Variants in TRPS1 observed in about 807,000 individuals in gnomAD.
TRPS1 encodes the protein transcriptional repressor GATA binding 1.
Under a neutral mutation model 101.2 loss-of-function variants are expected in TRPS1, and 6 were observed. The observed-to-expected ratio is 0.06, with a 90% confidence interval of 0.03 to 0.12. The LOEUF is 0.12. TRPS1 is among the 10% of genes least tolerant of loss of function. TRPS1 has a pLI of 1.00. For missense variants in TRPS1, 1,363 were observed against 1,567.0 expected (o/e 0.87, Z 2.20); for synonymous variants, 578 against 589.8 (o/e 0.98, Z 0.29).
intron 4 of TRPS1, among the ~76,000 whole-genome samples, chr8:115,591,250 A>C (rs933354649): frequency 6.6e-6 from 1 of 152,230 alleles, no homozygotes; most frequent in African/African-American, 2.4e-5. Flanking sequence ...GAATGTATTC[A>C]TTAAAGTTGT....
At chr8:115,628,167 T>G (rs1818552056) in intron 1 of TRPS1, among the ~76,000 whole-genome samples, 1 of 151,670 alleles carries the variant, frequency 6.6e-6, no homozygotes, top group Non-Finnish European at 1.5e-5. Flanking sequence ...AGGAAACAAC[T>G]CACAAAGCAC....
At chr8:115,457,024 A>G (rs1814044429) in intron 5 of TRPS1, among the ~76,000 whole-genome samples, 1 of 152,206 alleles carries the variant, frequency 6.6e-6, no homozygotes, top group Non-Finnish European at 1.5e-5. Flanking sequence ...CAAATTAGAC[A>G]ACATTTTTTG....
chr8:115,410,349 A>G lies in TRPS1; in HGVS notation c.*3674T>C, dbSNP rs886062608. 2 of 152,532 alleles carry G rather than the reference A, an allele frequency of 1.3e-5. No homozygotes were observed. 9.4% of individuals were successfully genotyped at this position (152,532 alleles called of 1,614,324 possible). A position where few individuals can be genotyped will look rare whatever the true frequency, so the allele number is the denominator to read the frequency against. ...AATGTGCTACCACAGGCTTCAACAAAGAGCTGTTAAAGATACTTTTTTCCC... is the reference window on the plus strand; with the variant it reads ...AATGTGCTACCACAGGCTTCAACAAGGAGCTGTTAAAGATACTTTTTTCCC... On this transcript the variant is annotated 3_prime_UTR_variant, in exon 7 of 7. Coordinates refer to ENST00000395715, the MANE Select transcript of TRPS1 (RefSeq NM_014112.5).
intron 4 of TRPS1, among the ~76,000 whole-genome samples, chr8:115,603,658 C>G (rs1426074051): frequency 6.6e-6 from 1 of 152,072 alleles, no homozygotes; most frequent in Non-Finnish European, 1.5e-5. Flanking sequence ...CATGAGCATA[C>G]AGTCCAAAAG....
chr8:115,413,858 G>T lies in TRPS1; in HGVS notation c.*165C>A. 1 of 664,656 alleles carries T rather than the reference G, an allele frequency of 1.5e-6. No homozygotes were observed. The allele number at this position is 664,656 out of a possible 1,614,324, so 41.2% of individuals were successfully genotyped here. ...CCATTTATCTCACTTTTTAATCTTGGTAACCTACTCATCAAAAGAAAGAAT... is the reference window on the plus strand; with the variant it reads ...CCATTTATCTCACTTTTTAATCTTGTTAACCTACTCATCAAAAGAAAGAAT... On this transcript the variant is annotated 3_prime_UTR_variant, in exon 7 of 7. Coordinates refer to ENST00000395715, the MANE Select transcript of TRPS1 (RefSeq NM_014112.5).
rs886228404 is a variant in TRPS1, at chr8:115,619,444, C to G, written c.654G>C (p.Leu218=). The change falls in exon 3 of 7, where the codon CTG becomes CTC. Residue 218 remains leucine (L), a synonymous_variant. Coordinates refer to ENST00000395715, the MANE Select transcript of TRPS1 (RefSeq NM_014112.5). ...VRLNKSKTDL[L]VNDNPDPAPL... ...GTGCCGGGTCTGGGTTGTCATTCACCAGTAAGTCAGTTTTGGATTTATTCA... is the reference window on the plus strand; with the variant it reads ...GTGCCGGGTCTGGGTTGTCATTCACGAGTAAGTCAGTTTTGGATTTATTCA... 6.2e-7 allele frequency: 1 copy of G among 1,614,094 alleles called. No individual in the cohort carries two copies. The highest frequency in any genetic ancestry group is 1.3e-5 in the African/African-American group (1 of 74,936).
intron 5 of TRPS1, among the ~76,000 whole-genome samples, chr8:115,492,598 T>A (rs1355196932): frequency 1.3e-5 from 2 of 152,110 alleles, no homozygotes; most frequent in Non-Finnish European, 2.9e-5. Context: ...GAGGGACAGA[T>A]AATTAAATGA....
At chr8:115,600,507 T>C (rs1009230740) in intron 4 of TRPS1, among the ~76,000 whole-genome samples, 1 of 152,128 alleles carries the variant, frequency 6.6e-6, no homozygotes, top group Non-Finnish European at 1.5e-5. Context: ...AAACTCAGAT[T>C]CGTCCCCTTC....
intron 1 of TRPS1, chr8:115,668,146 G>C (rs1811973941): frequency 1.7e-6 from 1 of 579,970 alleles, no homozygotes; most frequent in African/African-American, 1.9e-5. Flanking sequence ...GCTGACTCCA[G>C]GGGCTACTGC....
At chr8:115,617,805 T>C (rs998762713) in intron 3 of TRPS1, among the ~76,000 whole-genome samples, 2 of 152,194 alleles carry the variant, frequency 1.3e-5, no homozygotes, top group Admixed American at 6.5e-5. Context: ...ATAATAACTA[T>C]GTTGGGTTAA....
chr8:115,509,287 AT>A (rs1815522152), intron 5 of TRPS1, among the ~76,000 whole-genome samples: 1 of 152,048 alleles, frequency 6.6e-6, no homozygotes, highest in Non-Finnish European at 1.5e-5. Flanking sequence ...CTAGGCTTCT[AT>A]TTATTCATTT....
At chr8:115,517,630 A>T (rs553224103) in intron 5 of TRPS1, among the ~76,000 whole-genome samples, 1 of 151,882 alleles carries the variant, frequency 6.6e-6, no homozygotes, top group Admixed American at 6.6e-5. Context: ...TAATGTTATG[A>T]TATACTAAAA....
rs1348585855 is a variant in TRPS1 at position 115,409,334 on chromosome 8, T to C, written c.*4689A>G. On this transcript the variant is annotated 3_prime_UTR_variant, in exon 7 of 7. Coordinates refer to ENST00000395715, the MANE Select transcript of TRPS1 (RefSeq NM_014112.5). Reference sequence around the variant, plus strand: ...GACTCTATGCTCTAGAAGGACAATTTTCTCTGATAAAAGCTAAACATTATT... The same window carrying C: ...GACTCTATGCTCTAGAAGGACAATTCTCTCTGATAAAAGCTAAACATTATT... 6.7e-6 allele frequency: 1 copy of C among 149,992 alleles called. No individual in the cohort carries two copies. Among genetic ancestry groups the C allele is most frequent in the Non-Finnish European group, 1.5e-5 (1 of 67,698 alleles). The allele number at this position is 149,992 out of a possible 1,614,324, so 9.3% of individuals were successfully genotyped here.
chr8:115,596,036 G>T (rs1354033157), intron 4 of TRPS1, among the ~76,000 whole-genome samples: 3 of 151,880 alleles, frequency 2.0e-5, no homozygotes, highest in Non-Finnish European at 2.9e-5. Context: ...AAATTTAAAT[G>T]TAAGATAGAG....
chr8:115,437,918 G>A lies in TRPS1; in HGVS notation c.2701-19466C>T, dbSNP rs190328524. Among the ~76,000 whole-genome samples, 4 of 152,300 alleles carry A rather than the reference G, an allele frequency of 2.6e-5. No individual in the cohort carries two copies. In the East Asian group the frequency reaches 7.7e-4, roughly 29 times the overall value. Reference sequence around the variant, plus strand: ...TTTCTCCAGAAAAGAAAAGCCAGGAGTTTTATTTTCCTCTATAAACCAAAG... The same window carrying A: ...TTTCTCCAGAAAAGAAAAGCCAGGAATTTTATTTTCCTCTATAAACCAAAG... On this transcript the variant is annotated intron_variant, in intron 5 of 6. Coordinates refer to ENST00000395715, the MANE Select transcript of TRPS1 (RefSeq NM_014112.5).
intron 5 of TRPS1, among the ~76,000 whole-genome samples, chr8:115,449,477 A>G (rs1813814549): frequency 6.6e-6 from 1 of 152,218 alleles, no homozygotes; most frequent in Admixed American, 6.5e-5. Flanking sequence ...GCACACACAC[A>G]GGAGCCTTGT....
At chr8:115,467,111 T>C (rs894914470) in intron 5 of TRPS1, among the ~76,000 whole-genome samples, 4 of 152,150 alleles carry the variant, frequency 2.6e-5, no homozygotes, top group Non-Finnish European at 5.9e-5. Flanking sequence ...GAACAGCTTC[T>C]TGTTTCTCAC....
At chr8:115,468,042 C>G (rs899759216) in intron 5 of TRPS1, among the ~76,000 whole-genome samples, 1 of 152,206 alleles carries the variant, frequency 6.6e-6, no homozygotes, top group Non-Finnish European at 1.5e-5. Context: ...CTATTCCACA[C>G]TTCACTGATA....
rs1465114351 is a variant in TRPS1, at chr8:115,668,589, G to A, written c.-166C>T. ...AACACCCTCGGCAGCCCGAAAGATG[G>A]TGGCGCGGCGGCCAAAGCCATGAAC... On this transcript the variant is annotated 5_prime_UTR_variant, in exon 1 of 7. Coordinates refer to ENST00000395715, the MANE Select transcript of TRPS1 (RefSeq NM_014112.5). 6.6e-6 allele frequency: 1 copy of A among 150,656 alleles called. No homozygotes were observed. The highest frequency in any genetic ancestry group is 1.5e-5 in the Non-Finnish European group (1 of 67,592). The allele number at this position is 150,656 out of a possible 1,614,324, so 9.3% of individuals were successfully genotyped here.
Sources: allele counts gnomAD v4.1 joint callset (sites outside exome capture counted in the v4.1 genomes callset), GRCh38; gene constraint gnomAD v4.1.1; transcripts MANE v1.5; gene names NCBI Gene and HGNC (gene_info 2026-07-23, HGNC 2026-07-21).